The following MEGF11 variants were observed in gnomAD, a reference collection of about 807,000 sequenced individuals.
MEGF11 encodes the protein multiple EGF like domains 11.
A neutral mutation model predicts 146.6 loss-of-function variants in MEGF11; 126 were observed. The observed-to-expected ratio is 0.86, with a 90% CI of 0.74 to 1.00. The LOEUF is 1.00. Among genes scored for constraint, MEGF11 ranks in the 50% least tolerant of loss-of-function variants. The probability of loss-of-function intolerance (pLI) is 0.00; values close to 1 mark genes in which losing one functional copy is unlikely to be tolerated. For missense variants in MEGF11, 1,509 were observed against 1,521.2 expected, an observed-to-expected ratio of 0.99 and a Z score of 0.13; for synonymous variants, 532 against 583.4, an observed-to-expected ratio of 0.91 and a Z score of 1.27.
At chr15:66,234,984 C>T (rs1267976499) in intron 1 of MEGF11, among the ~76,000 whole-genome samples, 1 of 152,170 alleles carries the variant, frequency 6.6e-6, no homozygotes, top group Non-Finnish European at 1.5e-5. Context: ...CCTCATCCCA[C>T]AGGAAGTAAG....
chr15:66,135,745 A>G (rs899584843), intron 1 of MEGF11, among the ~76,000 whole-genome samples: 3 of 151,762 alleles, frequency 2.0e-5, no homozygotes, highest in Non-Finnish European at 4.4e-5. Flanking sequence ...CAGTCTCCCA[A>G]CTCCATCCTG....
chr15:65,903,505 C>CA (rs1421944379), intron 24 of MEGF11, among the ~76,000 whole-genome samples: 1 of 152,182 alleles, frequency 6.6e-6, no homozygotes, highest in African/African-American at 2.4e-5. Context: ...GAAAGGGCCT[C>CA]AGAGATGCTG....
intron 15 of MEGF11, among the ~76,000 whole-genome samples, chr15:65,920,466 C>T (rs553457297): frequency 1.7e-4 from 26 of 152,300 alleles, no homozygotes; most frequent in African/African-American, 6.3e-4. Flanking sequence ...GAGCTGCTCC[C>T]CCTACCCTAC....
intron 5 of MEGF11, among the ~76,000 whole-genome samples, chr15:66,072,930 G>A: frequency 6.6e-6 from 1 of 152,240 alleles, no homozygotes; most frequent in East Asian, 1.9e-4. Context: ...GGCAACTTTT[G>A]CAAGGGAACA....
chr15:65,909,885 G>A (rs774924653), intron 21 of MEGF11, 79 bp from the exon 22 acceptor site: 30 of 1,232,990 alleles, frequency 2.4e-5, no homozygotes, highest in Non-Finnish European at 3.4e-5. Flanking sequence ...CGTAGCTTCA[G>A]TGCACACACC....
chr15:66,158,607 C>T (rs866657796), intron 1 of MEGF11, among the ~76,000 whole-genome samples: 2 of 152,250 alleles, frequency 1.3e-5, no homozygotes, highest in Admixed American at 6.5e-5. Flanking sequence ...TGGGCCCCCA[C>T]TCAGCCCCAC....
At chr15:66,118,927 C>T (rs974454555) in intron 4 of MEGF11, among the ~76,000 whole-genome samples, 159 bp downstream of exon 4, 1 of 152,210 alleles carries the variant, frequency 6.6e-6, no homozygotes, top group Non-Finnish European at 1.5e-5. Context: ...ACTCATTATT[C>T]CTTCTGAGCA....
intron 1 of MEGF11, among the ~76,000 whole-genome samples, chr15:66,194,881 A>T (rs1780283186): frequency 6.6e-6 from 1 of 152,172 alleles, no homozygotes; most frequent in African/African-American, 2.4e-5. Flanking sequence ...AACAAACATA[A>T]TGCAAAGACA....
intron 5 of MEGF11, among the ~76,000 whole-genome samples, chr15:66,067,835 G>A (rs1035698136): frequency 6.6e-6 from 1 of 152,186 alleles, no homozygotes; most frequent in African/African-American, 2.4e-5. Context: ...TCGCTAAATG[G>A]TTTGCATGAT....
intron 1 of MEGF11, among the ~76,000 whole-genome samples, chr15:66,173,414 C>A (rs975717410): frequency 6.6e-6 from 1 of 152,144 alleles, no homozygotes; most frequent in Admixed American, 6.5e-5. Context: ...CTCCCGGTTT[C>A]AAGCGATTCT....
At chr15:66,076,436 T>C (rs2085587054) in intron 5 of MEGF11, among the ~76,000 whole-genome samples, 1 of 152,168 alleles carries the variant, frequency 6.6e-6, no homozygotes, top group African/African-American at 2.4e-5. Flanking sequence ...AGTAGACATA[T>C]TTTTATAACT....
At position 65,982,904 on chromosome 15, in the gene MEGF11, C is replaced by A. The variant is rs1373505221; in HGVS notation, c.395-416G>T. Among the ~76,000 whole-genome samples the A allele has an allele frequency of 3.3e-5, 5 of 149,958 alleles. No homozygotes were observed. The highest frequency in any genetic ancestry group is 3.3e-4 in the Admixed American group (5 of 15,050). On this transcript the variant is annotated intron_variant, in intron 5 of 25. Coordinates refer to ENST00000395614, the MANE Select transcript of MEGF11 (RefSeq NM_001385028.1). This position sits in a 1 kb window ranked among gnomAD's most constrained non-coding sequence, Gnocchi z 5.6. ...CCCTTTCTTTTCCCATCTGCCACCC[C>A]TCTCCTCTGTGACCCTACCCCTCTC...
At chr15:65,978,034 C>T (rs2081509200) in intron 7 of MEGF11, among the ~76,000 whole-genome samples, 1 of 152,234 alleles carries the variant, frequency 6.6e-6, no homozygotes, top group Non-Finnish European at 1.5e-5. Context: ...TGTGGGCATG[C>T]TTAGGGCCTG....
At chr15:66,112,626 A>T (rs1424028142) in intron 4 of MEGF11, among the ~76,000 whole-genome samples, 7 of 152,150 alleles carry the variant, frequency 4.6e-5, no homozygotes, top group Admixed American at 3.3e-4. Flanking sequence ...CTCAAAGATG[A>T]TATATACCTC....
intron 1 of MEGF11, among the ~76,000 whole-genome samples, chr15:66,178,072 A>G (rs759670390): frequency 2.6e-5 from 4 of 152,076 alleles, no homozygotes; most frequent in Non-Finnish European, 4.4e-5. Flanking sequence ...CAGCCTCTAC[A>G]GCCCCACCGC....
intron 5 of MEGF11, among the ~76,000 whole-genome samples, chr15:65,986,863 ACTCGG>A (rs1335242631): frequency 6.1e-5 from 9 of 147,158 alleles, no homozygotes; most frequent in Admixed American, 2.0e-4. Flanking sequence ...AGTGGTGCAA[ACTCGG>A]CTCACTGCAA....
At chr15:66,248,519 T>G (rs962720625) in intron 1 of MEGF11, among the ~76,000 whole-genome samples, 3 of 152,252 alleles carry the variant, frequency 2.0e-5, no homozygotes, top group Admixed American at 2.0e-4. Flanking sequence ...TATATTTGAT[T>G]AATTGATCTT....
intron 4 of MEGF11, among the ~76,000 whole-genome samples, chr15:66,104,654 T>A (rs1280353776): frequency 6.6e-6 from 1 of 152,208 alleles, no homozygotes; most frequent in South Asian, 2.1e-4. Flanking sequence ...ACTCATTTCA[T>A]AGAAATTCAG....
At position 65,898,642 on chromosome 15, in the gene MEGF11, G is replaced by A. The variant is rs1010379227; in HGVS notation, c.3262+86C>T. 3.8e-6 allele frequency: 6 copies of A among 1,575,230 alleles called. No individual in the cohort carries two copies. The African/African-American group carries it at 6.8e-5, about 18-fold the overall frequency. On this transcript the variant is annotated intron_variant, in intron 25 of 25. Coordinates refer to ENST00000395614, the MANE Select transcript of MEGF11 (RefSeq NM_001385028.1). ...AACAAAAGAAGGATGTGTGGTCAAG[G>A]TGGGGTGAGTGGAGAGGGCTTGCTT...
Sources: allele counts gnomAD v4.1 joint callset (sites outside exome capture counted in the v4.1 genomes callset), GRCh38; gene constraint gnomAD v4.1.1; non-coding constraint Gnocchi (gnomAD v3.1); transcripts MANE v1.5; gene names NCBI Gene and HGNC (gene_info 2026-07-23, HGNC 2026-07-21).